Variants in MGAT4C observed in about 807,000 individuals in gnomAD.
MGAT4C encodes MGAT4 family member C.
Under a neutral mutation model 40.1 loss-of-function variants are expected in MGAT4C, and 19 were observed. The observed-to-expected ratio is 0.47, with a 90% CI of 0.33 to 0.70. The LOEUF (loss-of-function observed/expected upper bound fraction) is 0.70. Among genes scored for constraint, MGAT4C ranks in the 30% least tolerant of loss-of-function variants. MGAT4C has a pLI of 0.02. For missense variants in MGAT4C, 491 were observed against 563.2 expected (o/e 0.87, Z 1.30); for synonymous variants, 181 against 187.1 (o/e 0.97, Z 0.27).
chr12:86,463,700 A>G (rs892947774), intron 2 of MGAT4C, among the ~76,000 whole-genome samples: 11 of 152,138 alleles, frequency 7.2e-5, no homozygotes, highest in African/African-American at 2.4e-4. Context: ...CTTAACACCC[A>G]TTATGTGCAG....
intron 1 of MGAT4C, among the ~76,000 whole-genome samples, chr12:86,247,660 A>T (rs557482532): frequency 6.6e-6 from 1 of 152,334 alleles, no homozygotes; most frequent in Admixed American, 6.5e-5. Context: ...CATGTGGAAA[A>T]GGTTCAGAGG....
In MGAT4C at chr12:85,979,908, G is replaced by A. The variant is rs1390342211; in HGVS notation, c.818C>T (p.Ala273Val). Residue 273 changes from alanine to valine, a missense_variant, in exon 5 of 5, where the codon GCC (alanine) becomes GTC (valine). Ala to Val is a moderately conservative substitution (Grantham distance 64). Coordinates refer to ENST00000611864, the MANE Select transcript of MGAT4C (RefSeq NM_001351288.2). ...LYHSHDLPRL[A>V]HFLLMFYQEM... is the part of the protein sequence containing the mutation. Reference sequence around the variant, plus strand: ...TTGATAAAACATTAATAAAAAATGGGCCAAACGTGGGAGATCATGAGAATG... The same window carrying A: ...TTGATAAAACATTAATAAAAAATGGACCAAACGTGGGAGATCATGAGAATG... The A allele has an allele frequency of 2.5e-5, 41 of 1,613,574 alleles. No homozygotes were observed. The highest frequency in any genetic ancestry group is 3.4e-5 in the Non-Finnish European group (40 of 1,179,816).
chr12:85,980,669 G>T (rs1449088856), intron 4 of MGAT4C, among the ~76,000 whole-genome samples: 1 of 151,970 alleles, frequency 6.6e-6, no homozygotes, highest in Non-Finnish European at 1.5e-5. Context: ...TCACAATAAT[G>T]TATGAGCCCT....
intron 1 of MGAT4C, among the ~76,000 whole-genome samples, chr12:86,054,021 A>G (rs914547570): frequency 1.3e-5 from 2 of 152,028 alleles, no homozygotes; most frequent in African/African-American, 2.4e-5. Flanking sequence ...GCCGCTATGG[A>G]AAACAGTATG....
In MGAT4C at chr12:86,366,292, T is replaced by C. The variant is rs532283315; in HGVS notation, c.-119-32165A>G. Among the ~76,000 whole-genome samples the C allele has an allele frequency of 2.0e-5, 3 of 152,318 alleles. No individual in the cohort carries two copies. In the South Asian group the frequency reaches 6.2e-4, roughly 32 times the overall value. On this transcript the variant is annotated intron_variant, in intron 3 of 7. Coordinates refer to the MGAT4C transcript ENST00000548651. ...CTTATCAGTTCCAGGAGCAGAGTTTTTAAGGTTTCTATGTATAGAATCATA... is the reference window on the plus strand; with the variant it reads ...CTTATCAGTTCCAGGAGCAGAGTTTCTAAGGTTTCTATGTATAGAATCATA...
intron 2 of MGAT4C, among the ~76,000 whole-genome samples, chr12:86,600,349 CATAAGA>C (rs893643798): frequency 6.6e-6 from 1 of 152,134 alleles, no homozygotes; most frequent in Non-Finnish European, 1.5e-5. Flanking sequence ...GGTAGCTGTT[CATAAGA>C]ACTTACATTT....
intron 1 of MGAT4C, among the ~76,000 whole-genome samples, chr12:86,765,472 T>C (rs994300339): frequency 6.6e-6 from 1 of 152,080 alleles, no homozygotes; most frequent in African/African-American, 2.4e-5. Flanking sequence ...AATTCCCCAA[T>C]CCAGCAAGGC....
intron 1 of MGAT4C, among the ~76,000 whole-genome samples, chr12:86,777,573 T>C (rs539254505): frequency 7.2e-5 from 11 of 152,292 alleles, no homozygotes; most frequent in Admixed American, 7.2e-4. Context: ...TGGTTGGAAA[T>C]GTACCAAGTA....
chr12:85,991,378 T>A (rs539615112), intron 2 of MGAT4C, among the ~76,000 whole-genome samples: 1 of 152,144 alleles, frequency 6.6e-6, no homozygotes, highest in African/African-American at 2.4e-5. Flanking sequence ...CACCACAAGT[T>A]CCCAGTCTGG....
intron 2 of MGAT4C, among the ~76,000 whole-genome samples, chr12:86,588,065 G>T (rs536480736): frequency 6.6e-6 from 1 of 152,044 alleles, no homozygotes; most frequent in East Asian, 1.9e-4. Flanking sequence ...TGCCCATTCA[G>T]TATGATATTG....
At chr12:86,266,622 G>T (rs1442350130) in intron 4 of MGAT4C, among the ~76,000 whole-genome samples, 2 of 152,060 alleles carry the variant, frequency 1.3e-5, no homozygotes, top group Admixed American at 6.6e-5. Context: ...TCCTTGTCTG[G>T]TTTTGGTATC....
chr12:86,557,055 A>G (rs1015800259), intron 2 of MGAT4C, among the ~76,000 whole-genome samples: 1 of 152,188 alleles, frequency 6.6e-6, no homozygotes, highest in Admixed American at 6.5e-5. Flanking sequence ...AGATTCAGTA[A>G]GAATATTTCC....
intron 1 of MGAT4C, among the ~76,000 whole-genome samples, chr12:86,196,317 G>A (rs1949802923): frequency 6.6e-6 from 1 of 152,156 alleles, no homozygotes; most frequent in Admixed American, 6.5e-5. Context: ...AATCCTCTTT[G>A]GTCTGATGCG....
At chr12:86,451,794 C>T (rs1592864374) in intron 2 of MGAT4C, among the ~76,000 whole-genome samples, 2 of 152,104 alleles carry the variant, frequency 1.3e-5, no homozygotes, top group African/African-American at 2.4e-5. Context: ...TCTACACCCA[C>T]TTACTGAATT....
At chr12:86,749,383 T>G (rs1472530129) in intron 1 of MGAT4C, among the ~76,000 whole-genome samples, 1 of 151,750 alleles carries the variant, frequency 6.6e-6, no homozygotes, top group Admixed American at 6.6e-5. Flanking sequence ...CTTTTGCATC[T>G]GTAAGATGTC....
At chr12:86,237,477 T>C (rs1951603385) in intron 1 of MGAT4C, among the ~76,000 whole-genome samples, 1 of 151,906 alleles carries the variant, frequency 6.6e-6, no homozygotes, top group South Asian at 2.1e-4. Flanking sequence ...AATACAGCCA[T>C]AATAAAATTA....
At position 86,603,529 on chromosome 12, in the gene MGAT4C, AT is replaced by A. The variant is rs1961891397; in HGVS notation, c.-229+123679del. ...ATATAGTCTATAGTCTATAGACTATATATAGTCTATAGACTATAGATAATAT... is the reference window on the plus strand; with the variant it reads ...ATATAGTCTATAGTCTATAGACTATAATAGTCTATAGACTATAGATAATAT... On this transcript the variant is annotated intron_variant, in intron 2 of 7. Coordinates refer to the MGAT4C transcript ENST00000548651. 1.9e-4 allele frequency among the ~76,000 whole-genome samples: 4 copies of A among 20,632 alleles called. No homozygotes were observed. The Admixed American group carries it at 4.0e-3, about 21-fold the overall frequency. 13.5% of individuals were successfully genotyped at this position (20,632 alleles called of 152,430 possible).
Position 85,960,388 on chromosome 12 carries a change from C to T in MGAT4C, c.*18901G>A, listed in dbSNP as rs1473418476. ...ATTTCAAGTCTGAATTATGACTTCA[C>T]TACTGTGTCGTCATTGGTAGAATAA... On this transcript the variant is annotated 3_prime_UTR_variant, in exon 5 of 5. Transcript: ENST00000611864. 1 of 151,976 alleles carries T rather than the reference C, an allele frequency of 6.6e-6. No homozygotes were observed. The highest frequency in any genetic ancestry group is 1.5e-5 in the Non-Finnish European group (1 of 67,924). The allele number at this position is 151,976 out of a possible 1,614,324, so 9.4% of individuals were successfully genotyped here. A position where few individuals can be genotyped will look rare whatever the true frequency, so the allele number is the denominator to read the frequency against.
intron 1 of MGAT4C, among the ~76,000 whole-genome samples, chr12:86,202,039 T>C (rs919038269): frequency 1.3e-5 from 2 of 152,090 alleles, no homozygotes; most frequent in African/African-American, 4.8e-5. Context: ...ATAAAATATA[T>C]TTCTCAGGAT....
Sources: allele counts gnomAD v4.1 joint callset (sites outside exome capture counted in the v4.1 genomes callset), GRCh38; gene constraint gnomAD v4.1.1; transcripts MANE v1.5; gene names NCBI Gene and HGNC (gene_info 2026-07-23, HGNC 2026-07-21).